The following CCDC171 variants were observed in gnomAD, a reference collection of about 807,000 sequenced individuals.
CCDC171 encodes the protein coiled-coil domain containing 171.
A neutral mutation model predicts 168.2 loss-of-function variants in CCDC171; 177 were observed. The observed-to-expected ratio is 1.05, with a 90% confidence interval of 0.93 to 1.19. The LOEUF (loss-of-function observed/expected upper bound fraction) is 1.19. Among genes scored for constraint, CCDC171 ranks in the 50% most tolerant of loss-of-function variants. The probability of loss-of-function intolerance (pLI) is 0.00; values close to 1 mark genes in which losing one functional copy is unlikely to be tolerated. For synonymous variants in CCDC171, 687 were observed against 540.8 expected, an observed-to-expected ratio of 1.27 and a Z score of -3.75; for missense variants, 1,991 against 1,539.0, an observed-to-expected ratio of 1.29 and a Z score of -4.91.
intron 23 of CCDC171, among the ~76,000 whole-genome samples, chr9:15,870,144 G>T (rs1226973729): frequency 6.6e-6 from 1 of 151,760 alleles, no homozygotes; most frequent in Non-Finnish European, 1.5e-5. Context: ...GGCTGGATTT[G>T]GTTCTCAGGC....
At chr9:15,950,128 A>G (rs1441215385) in intron 25 of CCDC171, among the ~76,000 whole-genome samples, 2 of 152,166 alleles carry the variant, frequency 1.3e-5, no homozygotes, top group Non-Finnish European at 2.9e-5. Flanking sequence ...GACTATGTGA[A>G]AAGACCAAAT....
At chr9:15,704,070 C>T (rs2052015516) in intron 11 of CCDC171, among the ~76,000 whole-genome samples, 1 of 152,130 alleles carries the variant, frequency 6.6e-6, no homozygotes, top group South Asian at 2.1e-4. Flanking sequence ...GGTAGGTTGC[C>T]ACAAACCTGC....
chr9:15,874,403 T>G lies in CCDC171; in HGVS notation c.3469-129T>G, dbSNP rs1817570284. 1.1e-5 allele frequency: 8 copies of G among 704,392 alleles called. No homozygotes were observed. In the East Asian group the frequency reaches 2.4e-4, roughly 21 times the overall value. 43.6% of individuals were successfully genotyped at this position (704,392 alleles called of 1,614,324 possible). On this transcript the variant is annotated intron_variant, in intron 23 of 25. Coordinates refer to ENST00000380701, the MANE Select transcript of CCDC171 (RefSeq NM_173550.4). ...TTTGCAACGAAAAATCAATTAGTCC[T>G]AAATTTATTCATGGATTTCAGGTCC... is the stretch of plus-strand genomic sequence containing the variant.
At chr9:15,857,261 G>T (rs1382500284) in intron 23 of CCDC171, among the ~76,000 whole-genome samples, 1 of 151,666 alleles carries the variant, frequency 6.6e-6, no homozygotes, top group African/African-American at 2.4e-5. Flanking sequence ...TTTCATTTTT[G>T]TTTCTTGTGC....
intron 24 of CCDC171, among the ~76,000 whole-genome samples, chr9:15,898,867 C>T (rs1183638440): frequency 1.3e-5 from 2 of 152,052 alleles, no homozygotes; most frequent in South Asian, 2.1e-4. Flanking sequence ...AGTTTTGTGA[C>T]ATTTTTTCAT....
chr9:15,625,731 A>T (rs900240048), intron 7 of CCDC171, among the ~76,000 whole-genome samples: 1 of 152,186 alleles, frequency 6.6e-6, no homozygotes, highest in Non-Finnish European at 1.5e-5. Context: ...CTTGTATTAT[A>T]GTTTGAAGTC....
At chr9:15,864,919 A>G (rs544996112) in intron 23 of CCDC171, among the ~76,000 whole-genome samples, 3 of 152,238 alleles carry the variant, frequency 2.0e-5, no homozygotes, top group African/African-American at 4.8e-5. Flanking sequence ...TTGAGAAAGC[A>G]TGAGTCCTAC....
chr9:16,104,499 C>T, the CCDC171 span, among the ~76,000 whole-genome samples: 1 of 152,130 alleles, frequency 6.6e-6, no homozygotes, highest in Non-Finnish European at 1.5e-5. Flanking sequence ...CATGAGCATC[C>T]AGGAACACCT....
intron 10 of CCDC171, among the ~76,000 whole-genome samples, chr9:15,679,321 T>G (rs1282767431): frequency 2.6e-5 from 4 of 152,196 alleles, no homozygotes; most frequent in Non-Finnish European, 4.4e-5. Flanking sequence ...ATCACCAAGT[T>G]TATCTTTGTA....
intron 25 of CCDC171, among the ~76,000 whole-genome samples, chr9:15,947,415 C>G (rs547261991): frequency 1.3e-5 from 2 of 152,014 alleles, no homozygotes; most frequent in South Asian, 4.2e-4. Flanking sequence ...ATTATTTTGA[C>G]GACTCTAAGT....
At chr9:15,647,249 G>C (rs558576665) in intron 7 of CCDC171, among the ~76,000 whole-genome samples, 3 of 152,090 alleles carry the variant, frequency 2.0e-5, no homozygotes, top group South Asian at 4.2e-4. Flanking sequence ...CACATTCAAA[G>C]CAGTGTGTAG....
At chr9:16,062,228 G>C (rs1482293824), downstream of CCDC171, among the ~76,000 whole-genome samples, 1 of 152,198 alleles carries the variant, frequency 6.6e-6, no homozygotes, top group Non-Finnish European at 1.5e-5. Flanking sequence ...GTTATGGACA[G>C]AGAAAGTAAG....
intron 6 of CCDC171, among the ~76,000 whole-genome samples, chr9:15,602,294 G>T (rs971596137): frequency 6.9e-6 from 1 of 144,846 alleles, no homozygotes; most frequent in Non-Finnish European, 1.6e-5. Context: ...GCTGTTGATG[G>T]GTTTAGTTTT....
chr9:15,630,092 A>T (rs1347883577), intron 7 of CCDC171, among the ~76,000 whole-genome samples: 1 of 152,230 alleles, frequency 6.6e-6, no homozygotes, highest in Non-Finnish European at 1.5e-5. Context: ...TGTAAAGACC[A>T]TCGAGGCTAG....
intron 3 of CCDC171, among the ~76,000 whole-genome samples, chr9:15,987,323 C>T (rs3118736): frequency 0.5 from 75,251 of 151,912 alleles, 20,031 homozygotes; most frequent in African/African-American, 0.71. Context: ...TTGGGTATTA[C>T]GCTGATTACC....
chr9:15,783,050 C>G (rs1235704326), intron 20 of CCDC171, among the ~76,000 whole-genome samples: 4 of 152,076 alleles, frequency 2.6e-5, no homozygotes, highest in Non-Finnish European at 5.9e-5. Flanking sequence ...GAGAAATGCA[C>G]TCTTAAATTT....
chr9:16,012,533 T>C (rs1832896511), intron 3 of CCDC171, among the ~76,000 whole-genome samples: 1 of 144,792 alleles, frequency 6.9e-6, no homozygotes, highest in South Asian at 2.2e-4. Flanking sequence ...ATCTCCATAT[T>C]TTCTATTGAA....
At chr9:16,073,227 C>T in the CCDC171 span, among the ~76,000 whole-genome samples, 1 of 152,188 alleles carries the variant, frequency 6.6e-6, no homozygotes, top group African/African-American at 2.4e-5. Flanking sequence ...CCCAGGATGG[C>T]ACAGCTTGCA....
At chr9:15,799,084 A>T (rs1249829346) in intron 21 of CCDC171, among the ~76,000 whole-genome samples, 3 of 148,950 alleles carry the variant, frequency 2.0e-5, no homozygotes, top group Non-Finnish European at 4.5e-5. Flanking sequence ...ATAGAAAATT[A>T]GATTTTAAAG....
Sources: allele counts gnomAD v4.1 joint callset (sites outside exome capture counted in the v4.1 genomes callset), GRCh38; gene constraint gnomAD v4.1.1; transcripts MANE v1.5; gene names NCBI Gene and HGNC (gene_info 2026-07-23, HGNC 2026-07-21).